The following SPMIP7 variants were observed in gnomAD, a reference collection of about 807,000 sequenced individuals.
The protein encoded by SPMIP7 is protein SPMIP7.
chr7:50,098,227 T>C, the SPMIP7 span, among the ~76,000 whole-genome samples: 2 of 152,202 alleles, frequency 1.3e-5, no homozygotes, highest in Non-Finnish European at 2.9e-5. Flanking sequence ...ACTTGCCCCA[T>C]TCCAAACCTG....
chr7:50,138,719 T>C, the SPMIP7 span, among the ~76,000 whole-genome samples: 1 of 151,974 alleles, frequency 6.6e-6, no homozygotes, highest in Admixed American at 6.6e-5. Flanking sequence ...TCTTTAACAA[T>C]TGCACCACTT....
the SPMIP7 span, chr7:50,151,628 A>T: frequency 9.7e-7 from 1 of 1,032,638 alleles, no homozygotes; most frequent in Non-Finnish European, 1.4e-6. Context: ...TGGTTATTCC[A>T]TTAAAGAACA....
chr7:50,140,388 GAAAC>G, the SPMIP7 span, among the ~76,000 whole-genome samples: 2 of 152,084 alleles, frequency 1.3e-5, no homozygotes, highest in African/African-American at 4.8e-5. Flanking sequence ...AGAAAAGAAA[GAAAC>G]AAAGAAGGAA....
chr7:50,151,092 G>A, the SPMIP7 span, among the ~76,000 whole-genome samples: 12 of 152,210 alleles, frequency 7.9e-5, no homozygotes, highest in African/African-American at 2.9e-4. Context: ...ATATGTGTGG[G>A]ATACAGGTCT....
the SPMIP7 span, among the ~76,000 whole-genome samples, chr7:50,110,803 A>G: frequency 1.8e-5 from 2 of 111,620 alleles, no homozygotes; most frequent in Non-Finnish European, 3.4e-5. Flanking sequence ...ATGATATCTA[A>G]CATATATAAT....
the SPMIP7 span, among the ~76,000 whole-genome samples, chr7:50,143,883 C>T: frequency 6.6e-6 from 1 of 152,186 alleles, no homozygotes; most frequent in Non-Finnish European, 1.5e-5. Flanking sequence ...AACATTACCA[C>T]ATAATTATGG....
the SPMIP7 span, among the ~76,000 whole-genome samples, chr7:50,107,532 TG>T: frequency 6.6e-6 from 1 of 151,670 alleles, no homozygotes; most frequent in Non-Finnish European, 1.5e-5. Context: ...ATTGGAGAAC[TG>T]GTAGATAAAT....
At chr7:50,132,054 G>T in the SPMIP7 span, among the ~76,000 whole-genome samples, 2 of 152,040 alleles carry the variant, frequency 1.3e-5, no homozygotes, top group Non-Finnish European at 2.9e-5. Flanking sequence ...ACACATGTAT[G>T]AACGCCTACT....
At chr7:50,127,514 AC>A in the SPMIP7 span, among the ~76,000 whole-genome samples, 1,114 of 151,378 alleles carry the variant, frequency 7.4e-3, 21 homozygotes, top group African/African-American at 0.026. Context: ...AGGATTAATA[AC>A]CAGAATGTAT....
At chr7:50,107,381 A>G in the SPMIP7 span, among the ~76,000 whole-genome samples, 7 of 81,790 alleles carry the variant, frequency 8.6e-5, no homozygotes, top group African/African-American at 9.6e-5. Flanking sequence ...AAAAAAAAAA[A>G]AAAAGAAAAG....
the SPMIP7 span, among the ~76,000 whole-genome samples, chr7:50,127,936 T>C: frequency 6.6e-6 from 1 of 151,882 alleles, no homozygotes. Flanking sequence ...CTAGAAATAC[T>C]ATATGATTCA....
chr7:50,150,997 G>A, the SPMIP7 span, among the ~76,000 whole-genome samples: 5 of 152,188 alleles, frequency 3.3e-5, no homozygotes, highest in Admixed American at 2.0e-4. Context: ...TACATTAATG[G>A]TGATAAGAAA....
chr7:50,104,526 C>T, the SPMIP7 span: 1 of 300,828 alleles, frequency 3.3e-6, no homozygotes, highest in East Asian at 6.9e-5. Flanking sequence ...CTTAGATGAA[C>T]AGCTACTATG....
At chr7:50,140,981 G>GT in the SPMIP7 span, among the ~76,000 whole-genome samples, 1 of 152,228 alleles carries the variant, frequency 6.6e-6, no homozygotes, top group African/African-American at 2.4e-5. Context: ...CTCCAAAGGA[G>GT]TTGTGCTGGG....
chr7:50,121,282 T>C, the SPMIP7 span: 2 of 152,230 alleles, frequency 1.3e-5, no homozygotes, highest in Admixed American at 6.5e-5. Flanking sequence ...TTAAATTAAA[T>C]TACATTTGGC....
At chr7:50,096,179 T>G in the SPMIP7 span, 1 of 1,551,628 alleles carries the variant, frequency 6.4e-7, no homozygotes, top group Admixed American at 2.0e-5. Flanking sequence ...TTACCCACAC[T>G]ATTGTGATCT....
At chr7:50,129,894 A>G in the SPMIP7 span, 1 of 717,892 alleles carries the variant, frequency 1.4e-6, no homozygotes, top group Non-Finnish European at 2.4e-6. Flanking sequence ...CTTATGAGTG[A>G]CACAGAGGAC....
At chr7:50,156,208 A>T in the SPMIP7 span, among the ~76,000 whole-genome samples, 2 of 152,196 alleles carry the variant, frequency 1.3e-5, no homozygotes, top group African/African-American at 4.8e-5. Flanking sequence ...CAGGCTCTTC[A>T]CATCAAAAAG....
chr7:50,115,509 C>T, the SPMIP7 span, among the ~76,000 whole-genome samples: 3 of 152,072 alleles, frequency 2.0e-5, no homozygotes, highest in Non-Finnish European at 4.4e-5. Context: ...AAATTATATT[C>T]TGGAATATCA....
Sources: gnomAD v4.1 joint callset for allele counts (sites outside exome capture counted in the v4.1 genomes callset) on GRCh38, gnomAD v4.1.1 for gene constraint, MANE v1.5 for transcripts, NCBI Gene and HGNC (gene_info 2026-07-23, HGNC 2026-07-21) for gene names.